TUBGCP3: variants seen among roughly 807,000 people sequenced by gnomAD.
TUBGCP3 encodes tubulin gamma complex component 3, also known as gamma-tubulin complex component 3.
Under a neutral mutation model 123.1 loss-of-function variants are expected in TUBGCP3, and 50 were observed. That is an observed-to-expected ratio of 0.41 (90% confidence interval 0.32 to 0.51). TUBGCP3 has a LOEUF of 0.51. Among genes scored for constraint, TUBGCP3 ranks in the 20% least tolerant of loss-of-function variants. The probability of loss-of-function intolerance (pLI) is 0.36; values close to 1 mark genes in which losing one functional copy is unlikely to be tolerated. For synonymous variants in TUBGCP3, 405 were observed against 413.9 expected (o/e 0.98, Z 0.26); for missense variants, 882 against 1,127.0 (o/e 0.78, Z 3.11).
At chr13:112,587,840 GCTGCA>G (rs1437200394) in intron 1 of TUBGCP3, 60 bp downstream of exon 1, 2 of 1,436,764 alleles carry the variant, frequency 1.4e-6, no homozygotes, top group Non-Finnish European at 1.9e-6. Context: ...ACGTATTAGG[GCTGCA>G]CGCGCAGGGA....
At chr13:112,509,068 T>G (rs1881493531) in intron 17 of TUBGCP3, among the ~76,000 whole-genome samples, 1 of 152,200 alleles carries the variant, frequency 6.6e-6, no homozygotes, top group Admixed American at 6.5e-5. Context: ...AGCCCCATGT[T>G]GCAGCACAGT....
chr13:112,515,543 A>C (rs1292162801), intron 17 of TUBGCP3, among the ~76,000 whole-genome samples: 2 of 152,212 alleles, frequency 1.3e-5, no homozygotes, highest in African/African-American at 2.4e-5. Context: ...CCCTCTCAGC[A>C]CGGCCCTCCT....
chr13:112,538,729 A>C (rs1405006640), intron 11 of TUBGCP3, among the ~76,000 whole-genome samples: 1 of 152,242 alleles, frequency 6.6e-6, no homozygotes, highest in Non-Finnish European at 1.5e-5. Flanking sequence ...AATTACTATG[A>C]GATGAAAGAT....
chr13:112,534,547 A>C (rs1474703607), intron 11 of TUBGCP3, among the ~76,000 whole-genome samples: 3 of 152,124 alleles, frequency 2.0e-5, no homozygotes, highest in African/African-American at 7.2e-5. Flanking sequence ...ACTCCGTCTC[A>C]AAAACAAAAC....
rs372524199 is a variant in TUBGCP3, at chr13:112,504,706, C to T, written c.2095G>A (p.Gly699Arg). ...KLLRNMPEFS[G>R]VLHQCHILAS... ...AAAATGTGACACTGGTGCAGCACCCCGGAGAACTCTGCAAGGGAAGAGTTG... is the reference window on the plus strand; with the variant it reads ...AAAATGTGACACTGGTGCAGCACCCTGGAGAACTCTGCAAGGGAAGAGTTG... Residue 699 changes from glycine (G) to arginine (R), a missense_variant, in exon 18 of 22, where the codon GGG (glycine) becomes AGG (arginine). Gly to Arg is a moderately radical substitution (Grantham distance 125, BLOSUM62 -2). Around this residue, in one of 3 missense-constraint regions of TUBGCP3, gnomAD observed 713 missense variants for 874.0 expected, o/e 0.82. Coordinates refer to ENST00000261965, the MANE Select transcript of TUBGCP3 (RefSeq NM_006322.6). 1.1e-5 allele frequency: 18 copies of T among 1,613,166 alleles called. No individual in the cohort carries two copies. Among genetic ancestry groups the T allele is most frequent in the East Asian group, 4.5e-5 (2 of 44,864 alleles).
chr13:112,497,477 AAC>A (rs764782448), intron 20 of TUBGCP3, among the ~76,000 whole-genome samples: 120 of 152,370 alleles, frequency 7.9e-4, no homozygotes, highest in Non-Finnish European at 1.2e-3. Flanking sequence ...ATGGTCCTCT[AAC>A]ACAGGTTTTA....
chr13:112,543,277 A>G (rs1398990012), intron 11 of TUBGCP3, among the ~76,000 whole-genome samples: 1 of 152,240 alleles, frequency 6.6e-6, no homozygotes, highest in Non-Finnish European at 1.5e-5. Flanking sequence ...AGAAAGATAC[A>G]GGCTCACAAA....
At chr13:112,533,462 C>T (rs1367927074) in intron 11 of TUBGCP3, among the ~76,000 whole-genome samples, 1 of 152,184 alleles carries the variant, frequency 6.6e-6, no homozygotes, top group Non-Finnish European at 1.5e-5. Flanking sequence ...CACAGACAGA[C>T]AGCACAGCAG....
rs1051767864 is a variant in TUBGCP3 at position 112,588,113 on chromosome 13, G to A, written c.-133C>T. On this transcript the variant is annotated 5_prime_UTR_variant, in exon 1 of 22. Transcript: ENST00000261965. ...GACAGGCTAAGGCGCGGGCGCCGCC[G>A]GCCACCAGGGCGCCATTTTAACGGA... The A allele has an allele frequency of 3.1e-5, 21 of 686,772 alleles. No individual in the cohort carries two copies. Among genetic ancestry groups the A allele is most frequent in the African/African-American group, 2.8e-4 (15 of 53,024 alleles). The allele number at this position is 686,772 out of a possible 1,614,324, so 42.5% of individuals were successfully genotyped here.
Position 112,524,873 on chromosome 13 carries a change from C to T in TUBGCP3, c.1555+2069G>A, listed in dbSNP as rs17121242. On this transcript the variant is annotated intron_variant, in intron 13 of 21. Coordinates refer to ENST00000261965, the MANE Select transcript of TUBGCP3 (RefSeq NM_006322.6). This position sits in a 1 kb window ranked among gnomAD's most constrained non-coding sequence, Gnocchi z 4.4. The stretch of plus-strand genomic sequence containing the variant: ...TGCTGGAAGCTTCCACTAGTAAGTC[C>T]TCTCAGCTACTGAAAACCAAATTGC... Among the ~76,000 whole-genome samples the T allele has an allele frequency of 0.092, 13,966 of 152,120 alleles. 1,706 individuals are homozygous for T. The highest frequency in any genetic ancestry group is 0.27 in the African/African-American group (11,070 of 41,444).
At chr13:112,538,444 A>C (rs1878246136) in intron 11 of TUBGCP3, among the ~76,000 whole-genome samples, 1 of 151,814 alleles carries the variant, frequency 6.6e-6, no homozygotes, top group African/African-American at 2.4e-5. Context: ...GTTTCTCATC[A>C]AATTTGGGTC....
intron 1 of TUBGCP3, among the ~76,000 whole-genome samples, chr13:112,584,315 C>G (rs1318964025): frequency 6.6e-6 from 1 of 152,158 alleles, no homozygotes; most frequent in African/African-American, 2.4e-5. Flanking sequence ...TAAGCCAAAA[C>G]AATTTTTAAA....
chr13:112,542,265 G>C (rs1272619405), intron 11 of TUBGCP3, among the ~76,000 whole-genome samples: 2 of 152,156 alleles, frequency 1.3e-5, no homozygotes, highest in Admixed American at 1.3e-4. Context: ...TTGGCTTATT[G>C]TGATAATGGT....
Position 112,527,465 on chromosome 13 carries a change from G to A in TUBGCP3, c.1355C>T (p.Pro452Leu), listed in dbSNP as rs141265299. 8.7e-6 allele frequency: 14 copies of A among 1,612,318 alleles called. No individual in the cohort carries two copies. Among genetic ancestry groups the A allele is most frequent in the Non-Finnish European group, 1.2e-5 (14 of 1,179,352 alleles). The change falls in exon 12 of 22, where the codon CCA (proline) becomes CTA (leucine). Residue 452 changes from proline to leucine, a missense_variant. Pro to Leu is a moderately conservative substitution (Grantham distance 98). Coordinates refer to ENST00000261965, the MANE Select transcript of TUBGCP3 (RefSeq NM_006322.6). ...TYHEFFVASD[P>L]TVKTDRLWHD... ...CCACAGTCGATCTGTTTTAACTGTTGGATCTGATGCTACAAAAAACTGAAA... is the reference window on the plus strand; with the variant it reads ...CCACAGTCGATCTGTTTTAACTGTTAGATCTGATGCTACAAAAAACTGAAA...
At chr13:112,510,418 G>A (rs1881604533) in intron 17 of TUBGCP3, among the ~76,000 whole-genome samples, 1 of 152,138 alleles carries the variant, frequency 6.6e-6, no homozygotes, top group Non-Finnish European at 1.5e-5. Flanking sequence ...TGACCTTACT[G>A]TATTTAAAAG....
chr13:112,569,389 G>A, intron 1 of TUBGCP3, 130 bp from the exon 2 acceptor site: 1 of 679,896 alleles, frequency 1.5e-6, no homozygotes, highest in African/African-American at 1.8e-5. Context: ...TTAACTGAGA[G>A]GACAGAAAAG....
At chr13:112,549,664 G>A (rs1428589468) in intron 8 of TUBGCP3, among the ~76,000 whole-genome samples, 1 of 151,984 alleles carries the variant, frequency 6.6e-6, no homozygotes, top group Non-Finnish European at 1.5e-5. Flanking sequence ...CCTATTAGTA[G>A]TAAGAACTTT....
chr13:112,551,101 CAA>C (rs373447891), intron 8 of TUBGCP3, among the ~76,000 whole-genome samples: 1 of 142,580 alleles, frequency 7.0e-6, no homozygotes, highest in African/African-American at 2.6e-5. Context: ...GACTCCGTCT[CAA>C]AAAAAAAACA....
chr13:112,578,557 T>C (rs1233907018), intron 1 of TUBGCP3, among the ~76,000 whole-genome samples: 5 of 20,494 alleles, frequency 2.4e-4, no homozygotes, highest in Non-Finnish European at 4.0e-4. Context: ...AGACTCCGTC[T>C]CAAAAAAAAA....
Sources: gnomAD v4.1 joint callset for allele counts (sites outside exome capture counted in the v4.1 genomes callset) on GRCh38, gnomAD v4.1.1 for gene constraint, gnomAD v4.1.1 regional missense constraint, Gnocchi (gnomAD v3.1) non-coding constraint, MANE v1.5 for transcripts, NCBI Gene and HGNC (gene_info 2026-07-23, HGNC 2026-07-21) for gene names.